RNF128: variants seen among roughly 807,000 people sequenced by gnomAD.
RNF128 encodes the protein E3 ubiquitin-protein ligase RNF128.
In RNF128, 13 loss-of-function variants were observed where a neutral mutation model predicts 26.2. The observed-to-expected ratio is 0.50, with a 90% CI of 0.32 to 0.79. The LOEUF is 0.79. Among genes scored for constraint, RNF128 ranks in the 30% least tolerant of loss-of-function variants. RNF128 has a pLI of 0.03. For missense variants in RNF128, 315 were observed against 349.7 expected, an observed-to-expected ratio of 0.90 and a Z score of 0.79; for synonymous variants, 149 against 142.5, an observed-to-expected ratio of 1.05 and a Z score of -0.32.
chrX:106,789,762 T>C (rs974562717), intron 4 of RNF128, among the ~76,000 whole-genome samples: 1 of 108,992 alleles, frequency 9.2e-6, no homozygotes, highest in East Asian at 2.8e-4. Context: ...TTTAATACAA[T>C]AGTGATGCTC....
At chrX:106,789,095 ATATATATACTATATAC>A (rs1463857761) in intron 4 of RNF128, among the ~76,000 whole-genome samples, 17 of 85,749 alleles carry the variant, frequency 2.0e-4, no homozygotes, top group Non-Finnish European at 2.4e-4. Flanking sequence ...AGTATATAGT[ATATATATACTATATAC>A]TATATATACT....
intron 1 of RNF128, among the ~76,000 whole-genome samples, chrX:106,761,519 G>T (rs1930120529): frequency 9.0e-6 from 1 of 111,308 alleles, no homozygotes; most frequent in South Asian, 3.8e-4. Context: ...CAAAGTCATG[G>T]AATCCACCTA....
intron 2 of RNF128, among the ~76,000 whole-genome samples, chrX:106,782,736 G>A (rs1569444619): frequency 9.0e-6 from 1 of 111,469 alleles, no homozygotes; most frequent in Non-Finnish European, 1.9e-5. Flanking sequence ...GTAAGGAAAT[G>A]GTAGGAGTAG....
chrX:106,779,023 A>G (rs987663920), intron 2 of RNF128, among the ~76,000 whole-genome samples: 2 of 111,390 alleles, frequency 1.8e-5, no homozygotes, highest in South Asian at 7.6e-4. Context: ...AGAGTAGTTC[A>G]GGGTCTTTTA....
In RNF128 at chrX:106,727,316, G is replaced by T; in HGVS notation, c.403G>T (p.Ala135Ser). 8.3e-7 allele frequency: 1 copy of T among 1,211,724 alleles called. No homozygotes were observed. Among genetic ancestry groups the T allele is most frequent in the Non-Finnish European group, 1.1e-6 (1 of 895,467 alleles). Residue 135 changes from alanine (A) to serine (S), a missense_variant, in exon 1 of 7, where the codon GCT becomes TCT. Ala to Ser is a moderately conservative substitution (Grantham distance 99, BLOSUM62 1). Transcript: ENST00000255499. ...GCTFADKIHL[A>S]YERGASGAVI... ...CACCTTCGCAGACAAGATCCATCTG[G>T]CTTATGAGAGAGGGGCGTCTGGAGC... is the stretch of plus-strand genomic sequence containing the variant.
intron 1 of RNF128, among the ~76,000 whole-genome samples, chrX:106,710,901 A>G (rs1929116795): frequency 9.0e-6 from 1 of 111,452 alleles, no homozygotes; most frequent in South Asian, 3.7e-4. Context: ...TGAAGCTATA[A>G]GCAGAAATAT....
chrX:106,702,194 G>A (rs1333894220), intron 1 of RNF128, among the ~76,000 whole-genome samples: 1 of 110,730 alleles, frequency 9.0e-6, no homozygotes, highest in Non-Finnish European at 1.9e-5. Flanking sequence ...ACCAGTTTCC[G>A]GATAAAAACA....
In RNF128 at chrX:106,741,543, T is replaced by G. The variant is rs182313137; in HGVS notation, c.484+14146T>G. Among the ~76,000 whole-genome samples, 1,061 of 112,097 alleles carry G rather than the reference T, an allele frequency of 9.5e-3. 3 individuals carry two copies. The highest frequency in any genetic ancestry group is 0.015 in the Non-Finnish European group (814 of 53,210). On this transcript the variant is annotated intron_variant, in intron 1 of 6. Transcript: ENST00000255499. ...TCCACTAAACCCAAGGTCTATAGGATAGAATTAGTATTTAATTTTTTATCT... is the reference window on the plus strand; with the variant it reads ...TCCACTAAACCCAAGGTCTATAGGAGAGAATTAGTATTTAATTTTTTATCT...
At chrX:106,721,423 G>A (rs749993356) in intron 1 of RNF128, among the ~76,000 whole-genome samples, 85 of 112,061 alleles carry the variant, frequency 7.6e-4, no homozygotes, top group African/African-American at 1.9e-3. Flanking sequence ...CTATAGAGTC[G>A]GTGTGATGGG....
chrX:106,694,139 T>C lies in RNF128; in HGVS notation c.137T>C (p.Ile46Thr), dbSNP rs746598270. 20 of 1,208,901 alleles carry C rather than the reference T, an allele frequency of 1.7e-5. No homozygotes were observed. In the East Asian group the frequency reaches 5.6e-4, roughly 34 times the overall value. The change falls in exon 1 of 7, where the codon ATA becomes ACA. Residue 46 changes from isoleucine (I) to threonine (T), a missense_variant. By Grantham distance (89) the Ile-to-Thr change is moderately conservative. Transcript: ENST00000324342. ...AATGAAACCAGCAACTACACTGCAA[T>C]AGAGACATGTGAATGTGGCGTTTAT...
chrX:106,745,733 A>G (rs990648333), intron 1 of RNF128, among the ~76,000 whole-genome samples: 2 of 111,927 alleles, frequency 1.8e-5, no homozygotes, highest in Non-Finnish European at 3.8e-5. Flanking sequence ...AGAAACGCAA[A>G]TTTGGTTCAT....
chrX:106,736,724 A>G (rs1929604899), intron 1 of RNF128, among the ~76,000 whole-genome samples: 1 of 112,007 alleles, frequency 8.9e-6, no homozygotes, highest in African/African-American at 3.2e-5. Flanking sequence ...TTGCAGTGAT[A>G]CTGCTTTCTG....
chrX:106,730,882 G>C (rs1000187733), intron 1 of RNF128, among the ~76,000 whole-genome samples: 1 of 111,727 alleles, frequency 9.0e-6, no homozygotes, highest in African/African-American at 3.2e-5. Flanking sequence ...GATACAGTTT[G>C]ATATATAACA....
intron 2 of RNF128, 64 bp from the exon 3 acceptor site, chrX:106,785,001 T>C: frequency 2.5e-6 from 2 of 810,461 alleles, no homozygotes; most frequent in Non-Finnish European, 3.6e-6. Context: ...ATCCTCTCTA[T>C]CTTTTTCATC....
At chrX:106,758,859 G>A (rs1024019542) in intron 1 of RNF128, among the ~76,000 whole-genome samples, 1 of 111,128 alleles carries the variant, frequency 9.0e-6, no homozygotes, top group African/African-American at 3.3e-5. Context: ...AACTCTCCAG[G>A]ACATTGGACT....
At chrX:106,791,009 T>C (rs1930812341) in intron 5 of RNF128, 57 bp from the exon 6 acceptor site, 1 of 1,065,615 alleles carries the variant, frequency 9.4e-7, no homozygotes, top group Non-Finnish European at 1.3e-6. Context: ...TGAAGTGATA[T>C]GTCGAGGAAA....
chrX:106,789,206 T>G, intron 4 of RNF128, among the ~76,000 whole-genome samples: 1 of 93,783 alleles, frequency 1.1e-5, no homozygotes, highest in South Asian at 4.5e-4. Flanking sequence ...TGTATATATA[T>G]AATACATATA....
intron 1 of RNF128, among the ~76,000 whole-genome samples, chrX:106,765,937 C>A (rs186285083): frequency 2.4e-3 from 214 of 90,876 alleles, no homozygotes; most frequent in African/African-American, 8.8e-3. Context: ...TCTCATTGTT[C>A]AATTCCCACC....
intron 1 of RNF128, among the ~76,000 whole-genome samples, chrX:106,718,845 G>C (rs1410316666): frequency 8.9e-6 from 1 of 111,922 alleles, no homozygotes; most frequent in African/African-American, 3.3e-5. Flanking sequence ...GAGTGGCAAG[G>C]CAGCCAATTT....
Sources: gnomAD v4.1 joint callset for allele counts (sites outside exome capture counted in the v4.1 genomes callset) on GRCh38, gnomAD v4.1.1 for gene constraint, MANE v1.5 for transcripts, NCBI Gene and HGNC (gene_info 2026-07-23, HGNC 2026-07-21) for gene names.